EPB41L4B: variants seen among roughly 807,000 people sequenced by gnomAD.
EPB41L4B encodes the protein band 4.1-like protein 4B.
A neutral mutation model predicts 112.5 loss-of-function variants in EPB41L4B; 30 were observed. The ratio of observed to expected loss-of-function variants is 0.27; its 90% CI spans 0.20 to 0.36. The LOEUF (loss-of-function observed/expected upper bound fraction) is 0.36. Among genes scored for constraint, EPB41L4B ranks in the 10% least tolerant of loss-of-function variants. The pLI, the probability that EPB41L4B is intolerant of heterozygous loss-of-function variation, is 1.00. For missense variants in EPB41L4B, 1,024 were observed against 1,133.3 expected (o/e 0.90, Z 1.38); for synonymous variants, 408 against 439.7 (o/e 0.93, Z 0.90).
chr9:109,230,551 T>C (rs2118904711), intron 15 of EPB41L4B, among the ~76,000 whole-genome samples: 1 of 152,266 alleles, frequency 6.6e-6, no homozygotes, highest in East Asian at 1.9e-4. Flanking sequence ...TTACTCATTC[T>C]GGTTTCCCAG....
At chr9:109,296,366 T>A (rs1042589717) in intron 1 of EPB41L4B, among the ~76,000 whole-genome samples, 2 of 152,232 alleles carry the variant, frequency 1.3e-5, no homozygotes, top group African/African-American at 4.8e-5. Flanking sequence ...TATGATGCAG[T>A]GCACTGAAGA....
intron 19 of EPB41L4B, among the ~76,000 whole-genome samples, chr9:109,202,302 A>T (rs963523131): frequency 6.6e-6 from 1 of 152,190 alleles, no homozygotes; most frequent in Non-Finnish European, 1.5e-5. Context: ...CAGATTGGGA[A>T]TCATAAGGTG....
chr9:109,207,796 C>T, intron 18 of EPB41L4B, 128 bp downstream of exon 18: 3 of 1,150,270 alleles, frequency 2.6e-6, no homozygotes, highest in South Asian at 1.5e-5. Context: ...GGTTCACATG[C>T]CCGGTTCTCA....
chr9:109,204,652 C>G (rs937658333), intron 18 of EPB41L4B, among the ~76,000 whole-genome samples: 4 of 152,024 alleles, frequency 2.6e-5, no homozygotes, highest in African/African-American at 7.2e-5. Context: ...CCACAACACG[C>G]AGCTAATTTG....
chr9:109,241,729 T>C, intron 15 of EPB41L4B: 1 of 1,614,226 alleles, frequency 6.2e-7, no homozygotes, highest in East Asian at 2.2e-5. Context: ...CTTCTGGTTC[T>C]GGTCGTGGAC....
At chr9:109,212,646 A>G (rs1354557351) in intron 17 of EPB41L4B, among the ~76,000 whole-genome samples, 1 of 152,190 alleles carries the variant, frequency 6.6e-6, no homozygotes, top group Non-Finnish European at 1.5e-5. Flanking sequence ...AATTCTTCCT[A>G]TTCCCTCTCA....
chr9:109,265,131 A>G, intron 4 of EPB41L4B, 107 bp from the exon 5 acceptor site: 1 of 898,900 alleles, frequency 1.1e-6, no homozygotes, highest in South Asian at 1.8e-5. Flanking sequence ...GGAGTTTTGC[A>G]TTGTAAAAAA....
chr9:109,252,173 C>G (rs544235323), intron 12 of EPB41L4B, among the ~76,000 whole-genome samples: 1 of 152,282 alleles, frequency 6.6e-6, no homozygotes, highest in East Asian at 1.9e-4. Context: ...ACAGCCACAC[C>G]AGGGGGTCCC....
chr9:109,320,392 G>A lies in EPB41L4B; in HGVS notation c.55C>T (p.Arg19Trp). 4.1e-6 allele frequency: 4 copies of A among 981,194 alleles called. No individual in the cohort carries two copies. Among genetic ancestry groups the A allele is most frequent in the Non-Finnish European group, 4.8e-6 (4 of 828,776 alleles). 60.8% of individuals were successfully genotyped at this position (981,194 alleles called of 1,614,324 possible). Residue 19 changes from arginine (R) to tryptophan (W), a missense_variant, in exon 1 of 26, where the codon CGG (arginine) becomes TGG (tryptophan). By Grantham distance (101) the Arg-to-Trp change is moderately radical (BLOSUM62 -3). Coordinates refer to ENST00000374566, the MANE Select transcript of EPB41L4B (RefSeq NM_019114.5). ...GCGGCCCCGCGCCCCGCCGCGCCCCGCGCGTAGCGCTGCATGGAGCGGCGG... is the reference window on the plus strand; with the variant it reads ...GCGGCCCCGCGCCCCGCCGCGCCCCACGCGTAGCGCTGCATGGAGCGGCGG... ...FGRRSMQRYA[R>W]GAAGRGAAGL...
intron 1 of EPB41L4B, 38 bp downstream of exon 1, chr9:109,320,103 G>C (rs2119309459): frequency 2.2e-6 from 3 of 1,388,254 alleles, no homozygotes; most frequent in African/African-American, 3.0e-5. Flanking sequence ...CTCCAGGGGC[G>C]CGAGGTGCCA....
intron 15 of EPB41L4B, among the ~76,000 whole-genome samples, chr9:109,230,140 C>T (rs574068321): frequency 6.6e-6 from 1 of 152,284 alleles, no homozygotes; most frequent in African/African-American, 2.4e-5. Context: ...CATCAGTTAA[C>T]TTAATCTTCC....
chr9:109,189,032 T>C (rs546284430), intron 22 of EPB41L4B, among the ~76,000 whole-genome samples: 139 of 152,248 alleles, frequency 9.1e-4, no homozygotes, highest in African/African-American at 3.3e-3. Flanking sequence ...CTCCCCTCGC[T>C]CAGTCAACGC....
intron 17 of EPB41L4B, among the ~76,000 whole-genome samples, chr9:109,208,921 C>T (rs532185572): frequency 6.6e-6 from 1 of 151,988 alleles, no homozygotes; most frequent in Admixed American, 6.6e-5. Context: ...CAATAAATAC[C>T]TACTAAAGAA....
Position 109,173,005 on chromosome 9 carries a change from C to T in EPB41L4B, c.*1549G>A, listed in dbSNP as rs899316238. The T allele has an allele frequency of 6.6e-6, 1 of 152,428 alleles. No homozygotes were observed. Among genetic ancestry groups the T allele is most frequent in the Non-Finnish European group, 1.5e-5 (1 of 68,022 alleles). The allele number at this position is 152,428 out of a possible 1,614,324, so 9.4% of individuals were successfully genotyped here. A position where few individuals can be genotyped will look rare whatever the true frequency, so the allele number is the denominator to read the frequency against. On this transcript the variant is annotated 3_prime_UTR_variant, in exon 26 of 26. Transcript: ENST00000374566. ...CAAGTGGTCATAAGAAATGAATGAACATTTTACACACAAGGAAATACAACT... is the reference window on the plus strand; with the variant it reads ...CAAGTGGTCATAAGAAATGAATGAATATTTTACACACAAGGAAATACAACT...
intron 15 of EPB41L4B, among the ~76,000 whole-genome samples, chr9:109,238,837 A>AG (rs1834247794): frequency 6.6e-6 from 1 of 152,234 alleles, no homozygotes; most frequent in African/African-American, 2.4e-5. Context: ...GTATTTGCAA[A>AG]GGCACAGATG....
intron 1 of EPB41L4B, among the ~76,000 whole-genome samples, chr9:109,287,115 T>C (rs906481615): frequency 4.6e-5 from 7 of 152,126 alleles, no homozygotes; most frequent in African/African-American, 1.7e-4. Context: ...TAAGAGTACA[T>C]AGTTGCCAGT....
chr9:109,183,439 T>C (rs1832139469), intron 23 of EPB41L4B, among the ~76,000 whole-genome samples: 1 of 152,182 alleles, frequency 6.6e-6, no homozygotes, highest in South Asian at 2.1e-4. Flanking sequence ...TGCCCAGTGC[T>C]GGGAGTACCT....
chr9:109,312,467 G>T (rs1025574880), intron 1 of EPB41L4B, among the ~76,000 whole-genome samples: 2 of 152,094 alleles, frequency 1.3e-5, no homozygotes, highest in Non-Finnish European at 2.9e-5. Context: ...GGGCTCAGGG[G>T]TCGCCATCCA....
At chr9:109,205,108 G>A (rs1003307080) in intron 18 of EPB41L4B, among the ~76,000 whole-genome samples, 3 of 152,162 alleles carry the variant, frequency 2.0e-5, no homozygotes, top group Non-Finnish European at 4.4e-5. Flanking sequence ...ACTTTTCAGA[G>A]ACTATAAGAA....
Sources: gnomAD v4.1 joint callset for allele counts (sites outside exome capture counted in the v4.1 genomes callset) on GRCh38, gnomAD v4.1.1 for gene constraint, MANE v1.5 for transcripts, NCBI Gene and HGNC (gene_info 2026-07-23, HGNC 2026-07-21) for gene names.